Variants in LRRTM4 observed in about 807,000 individuals in gnomAD.
LRRTM4 encodes leucine-rich repeat transmembrane neuronal protein 4.
LRRTM4 carries 25 observed loss-of-function variants against 47.6 expected under a neutral mutation model. The observed-to-expected ratio is 0.53, with a 90% confidence interval of 0.38 to 0.73. The LOEUF is 0.73. Ranked by LOEUF, LRRTM4 falls within the 30% of genes least tolerant of loss-of-function variation. The pLI is 0.00. For synonymous variants in LRRTM4, 311 were observed against 269.5 expected (o/e 1.15, Z -1.51); for missense variants, 638 against 713.4 (o/e 0.89, Z 1.20).
intron 3 of LRRTM4, among the ~76,000 whole-genome samples, chr2:77,312,367 C>A (rs557830606): frequency 6.6e-6 from 1 of 152,038 alleles, no homozygotes; most frequent in Non-Finnish European, 1.5e-5. Context: ...GTTGTATCAA[C>A]GAGGTACCAC....
At chr2:77,195,846 G>A (rs1223863142) in intron 3 of LRRTM4, among the ~76,000 whole-genome samples, 2 of 152,052 alleles carry the variant, frequency 1.3e-5, no homozygotes, top group Admixed American at 1.3e-4. Flanking sequence ...ATTATGATGA[G>A]TCCCAAGGTT....
chr2:77,096,268 C>T (rs931539665), intron 3 of LRRTM4, among the ~76,000 whole-genome samples: 22 of 151,310 alleles, frequency 1.5e-4, no homozygotes, highest in African/African-American at 5.3e-4. Flanking sequence ...TGGAATAATG[C>T]CTTCAAAATT....
intron 3 of LRRTM4, among the ~76,000 whole-genome samples, chr2:76,959,196 C>A (rs1223309499): frequency 6.6e-6 from 1 of 151,636 alleles, no homozygotes; most frequent in Non-Finnish European, 1.5e-5. Flanking sequence ...TTAAAATAGT[C>A]TTTAAGATAG....
At chr2:77,189,222 A>G (rs1247489407) in intron 3 of LRRTM4, among the ~76,000 whole-genome samples, 1 of 152,216 alleles carries the variant, frequency 6.6e-6, no homozygotes, top group Non-Finnish European at 1.5e-5. Context: ...TTCAATAAAT[A>G]ACTTACAAAT....
rs143103320 is a variant in LRRTM4, at chr2:76,770,662, C to T, written c.1552-21746G>A. Among the ~76,000 whole-genome samples, 619 of 152,252 alleles carry T rather than the reference C, an allele frequency of 4.1e-3. 10 individuals carry two copies. The South Asian group carries it at 0.05, about 12-fold the overall frequency. The stretch of plus-strand genomic sequence containing the variant: ...AACTACCTGTAAAATACATTGAGAT[C>T]TCTTGATTAAAAGTAAAAGCTATGT... On this transcript the variant is annotated intron_variant, in intron 3 of 3. Transcript: ENST00000409884.
intron 3 of LRRTM4, among the ~76,000 whole-genome samples, chr2:76,831,386 C>T (rs1671348381): frequency 6.6e-6 from 1 of 152,076 alleles, no homozygotes; most frequent in African/African-American, 2.4e-5. Context: ...TCTCCATGGA[C>T]ATCATATTGT....
chr2:77,442,817 A>T (rs1675897818), intron 3 of LRRTM4, among the ~76,000 whole-genome samples: 1 of 152,170 alleles, frequency 6.6e-6, no homozygotes, highest in African/African-American at 2.4e-5. Context: ...TAGCTGAAAG[A>T]TATTCTTGAA....
chr2:77,447,166 C>T (rs1214181643), intron 3 of LRRTM4, among the ~76,000 whole-genome samples: 1 of 148,918 alleles, frequency 6.7e-6, no homozygotes, highest in African/African-American at 2.5e-5. Flanking sequence ...CCAGATTCTC[C>T]AATACTTTAA....
chr2:77,068,447 G>C (rs1282404258), intron 3 of LRRTM4, among the ~76,000 whole-genome samples: 1 of 152,050 alleles, frequency 6.6e-6, no homozygotes, highest in Non-Finnish European at 1.5e-5. Flanking sequence ...GAAACTGCTA[G>C]CATTCATTTC....
chr2:77,412,108 CT>C (rs78828275), intron 3 of LRRTM4, among the ~76,000 whole-genome samples: 9,259 of 152,084 alleles, frequency 0.061, 435 homozygotes, highest in East Asian at 0.21. Flanking sequence ...TGAGTTCTAC[CT>C]TTGATTTGCA....
At chr2:77,343,318 A>C (rs572825505) in intron 3 of LRRTM4, among the ~76,000 whole-genome samples, 1 of 152,092 alleles carries the variant, frequency 6.6e-6, no homozygotes, top group African/African-American at 2.4e-5. Context: ...AGATTTTTCC[A>C]TGGAAAACAT....
chr2:76,763,460 C>T (rs1452451976), intron 3 of LRRTM4, among the ~76,000 whole-genome samples: 2 of 152,244 alleles, frequency 1.3e-5, no homozygotes, highest in South Asian at 2.1e-4. Context: ...AGTCTGTGGT[C>T]ACCCACAACC....
intron 3 of LRRTM4, among the ~76,000 whole-genome samples, chr2:77,093,621 A>G (rs1670719779): frequency 6.6e-6 from 1 of 151,822 alleles, no homozygotes; most frequent in Admixed American, 6.6e-5. Context: ...CCAACACTTC[A>G]ACACTATTTT....
chr2:77,078,474 T>C (rs1680423581), intron 3 of LRRTM4, among the ~76,000 whole-genome samples: 1 of 152,078 alleles, frequency 6.6e-6, no homozygotes, highest in African/African-American at 2.4e-5. Context: ...TGACAAAACA[T>C]AACCAAGTTG....
At chr2:77,116,111 T>A (rs1039123656) in intron 3 of LRRTM4, among the ~76,000 whole-genome samples, 2 of 151,978 alleles carry the variant, frequency 1.3e-5, no homozygotes, top group Non-Finnish European at 2.9e-5. Context: ...AATTTAAGAG[T>A]CTTGCCTTGC....
intron 3 of LRRTM4, among the ~76,000 whole-genome samples, chr2:76,809,932 A>C (rs778124276): frequency 6.6e-6 from 1 of 152,080 alleles, no homozygotes; most frequent in Non-Finnish European, 1.5e-5. Flanking sequence ...GTTCCTATTC[A>C]AACCTCATAG....
At chr2:76,794,875 T>C (rs1463625141) in intron 3 of LRRTM4, among the ~76,000 whole-genome samples, 7 of 144,744 alleles carry the variant, frequency 4.8e-5, no homozygotes, top group African/African-American at 1.8e-4. Flanking sequence ...GCCAACATTT[T>C]TCTGATTAAG....
intron 3 of LRRTM4, among the ~76,000 whole-genome samples, chr2:77,258,946 C>A (rs943128098): frequency 6.6e-6 from 1 of 151,580 alleles, no homozygotes; most frequent in Non-Finnish European, 1.5e-5. Flanking sequence ...TGTATAATAT[C>A]TTAATATTTA....
intron 3 of LRRTM4, among the ~76,000 whole-genome samples, chr2:77,079,220 C>A (rs1474972444): frequency 6.6e-6 from 1 of 152,176 alleles, no homozygotes; most frequent in Non-Finnish European, 1.5e-5. Context: ...GACTATTTAA[C>A]ATTTCAACTT....
Sources: allele counts gnomAD v4.1 joint callset (sites outside exome capture counted in the v4.1 genomes callset), GRCh38; gene constraint gnomAD v4.1.1; transcripts MANE v1.5; gene names NCBI Gene and HGNC (gene_info 2026-07-23, HGNC 2026-07-21).